RFX3: variants seen among roughly 807,000 people sequenced by gnomAD.
RFX3 encodes the protein transcription factor RFX3.
Under a neutral mutation model 98.6 loss-of-function variants are expected in RFX3, and 14 were observed. That is an observed-to-expected ratio of 0.14 (90% CI 0.09 to 0.22). The LOEUF (loss-of-function observed/expected upper bound fraction) is 0.22. Among genes scored for constraint, RFX3 ranks in the 10% least tolerant of loss-of-function variants. RFX3 has a pLI of 1.00. For missense variants in RFX3, 639 were observed against 926.9 expected (o/e 0.69, Z 4.03); for synonymous variants, 383 against 328.4 (o/e 1.17, Z -1.80).
intron 4 of RFX3, among the ~76,000 whole-genome samples, chr9:3,305,565 G>A (rs1037376326): frequency 1.3e-5 from 2 of 151,830 alleles, no homozygotes; most frequent in African/African-American, 4.8e-5. Context: ...GCAGAAATGG[G>A]GAAGAAGAGT....
chr9:3,235,814 C>G (rs1322198317), intron 15 of RFX3, among the ~76,000 whole-genome samples: 1 of 152,088 alleles, frequency 6.6e-6, no homozygotes, highest in Non-Finnish European at 1.5e-5. Context: ...CTACATTGGG[C>G]ACACCTGGAT....
chr9:3,466,712 T>C (rs1443613487), intron 1 of RFX3, among the ~76,000 whole-genome samples: 1 of 152,078 alleles, frequency 6.6e-6, no homozygotes. Context: ...GTAGAGCCAC[T>C]GATAAAATGT....
chr9:3,289,827 T>C (rs1827108578), intron 6 of RFX3, among the ~76,000 whole-genome samples: 1 of 152,240 alleles, frequency 6.6e-6, no homozygotes, highest in East Asian at 1.9e-4. Flanking sequence ...TGATTTACTT[T>C]TTGTTTACTT....
intron 5 of RFX3, among the ~76,000 whole-genome samples, chr9:3,297,845 C>G (rs1188531241): frequency 2.0e-5 from 3 of 151,770 alleles, no homozygotes; most frequent in African/African-American, 7.3e-5. Context: ...AATGTACAAC[C>G]TTAAATTTCA....
chr9:3,517,959 G>A (rs1355753531), intron 1 of RFX3, among the ~76,000 whole-genome samples: 1 of 152,138 alleles, frequency 6.6e-6, no homozygotes, highest in Non-Finnish European at 1.5e-5. Context: ...ATAGCCCAGT[G>A]ACATCATAAC....
chr9:3,443,673 C>A (rs115252769), intron 1 of RFX3, among the ~76,000 whole-genome samples: 3 of 152,008 alleles, frequency 2.0e-5, no homozygotes, highest in African/African-American at 4.8e-5. Context: ...TATACACATG[C>A]GTGTATCTTT....
At chr9:3,295,266 T>G (rs189924140) in intron 5 of RFX3, among the ~76,000 whole-genome samples, 75 of 152,168 alleles carry the variant, frequency 4.9e-4, no homozygotes, top group African/African-American at 1.7e-3. Context: ...AGACTACACA[T>G]AAAATGCAGC....
chr9:3,360,602 T>G (rs1836308781), intron 2 of RFX3, among the ~76,000 whole-genome samples: 1 of 152,150 alleles, frequency 6.6e-6, no homozygotes, highest in Non-Finnish European at 1.5e-5. Flanking sequence ...CTTAACACTC[T>G]CTTACTGATG....
chr9:3,264,800 G>T (rs1823398741), intron 12 of RFX3, among the ~76,000 whole-genome samples: 1 of 152,262 alleles, frequency 6.6e-6, no homozygotes, highest in East Asian at 1.9e-4. Context: ...AGTGAAACCA[G>T]AAGAACAGAC....
At chr9:3,373,667 G>A (rs1838103162) in intron 2 of RFX3, among the ~76,000 whole-genome samples, 3 of 152,142 alleles carry the variant, frequency 2.0e-5, no homozygotes, top group African/African-American at 7.2e-5. Context: ...GTGAAGTTCT[G>A]GGAAGATCAA....
chr9:3,522,581 G>A, intron 1 of RFX3, among the ~76,000 whole-genome samples: 1 of 151,598 alleles, frequency 6.6e-6, no homozygotes, highest in Non-Finnish European at 1.5e-5. Flanking sequence ...GTGTGTGTGT[G>A]TGTGTGTAAC....
At chr9:3,515,666 A>C (rs75493027) in intron 1 of RFX3, among the ~76,000 whole-genome samples, 2,107 of 152,296 alleles carry the variant, frequency 0.014, 58 homozygotes, top group African/African-American at 0.049. Flanking sequence ...AGGAAACTTA[A>C]CTGACAAGCA....
At chr9:3,230,841 G>A (rs2130690850) in intron 15 of RFX3, among the ~76,000 whole-genome samples, 1 of 152,278 alleles carries the variant, frequency 6.6e-6, no homozygotes, top group Admixed American at 6.5e-5. Context: ...TATTGCTATT[G>A]CTGATCAATA....
chr9:3,454,071 AAT>A (rs1846928593), intron 1 of RFX3, among the ~76,000 whole-genome samples: 1 of 152,202 alleles, frequency 6.6e-6, no homozygotes, highest in South Asian at 2.1e-4. Flanking sequence ...TGTGTGCACA[AAT>A]ATGTGAATAA....
chr9:3,422,219 C>T (rs1044349477), intron 1 of RFX3, among the ~76,000 whole-genome samples: 3 of 152,168 alleles, frequency 2.0e-5, no homozygotes, highest in Admixed American at 2.0e-4. Context: ...CCCACTCACC[C>T]AAAATGAAAA....
chr9:3,235,189 G>T (rs550904888), intron 15 of RFX3, among the ~76,000 whole-genome samples: 1 of 152,312 alleles, frequency 6.6e-6, no homozygotes, highest in Non-Finnish European at 1.5e-5. Context: ...CTTCCCTAAC[G>T]GGACATTTGC....
At chr9:3,322,053 G>A (rs1831383697) in intron 4 of RFX3, among the ~76,000 whole-genome samples, 1 of 151,872 alleles carries the variant, frequency 6.6e-6, no homozygotes, top group Non-Finnish European at 1.5e-5. Context: ...TATCTGATAG[G>A]TTGTTTCCCT....
intron 4 of RFX3, among the ~76,000 whole-genome samples, chr9:3,306,985 C>A (rs530680807): frequency 6.6e-6 from 1 of 151,840 alleles, no homozygotes; most frequent in African/African-American, 2.4e-5. Context: ...ATAATGGGGG[C>A]GGGTCTTTCC....
intron 15 of RFX3, among the ~76,000 whole-genome samples, chr9:3,242,071 A>G (rs894408979): frequency 3.3e-5 from 5 of 152,190 alleles, no homozygotes; most frequent in Non-Finnish European, 7.3e-5. Flanking sequence ...TGAAAAACTG[A>G]AAGATAGATT....
Sources: gnomAD v4.1 joint callset for allele counts (sites outside exome capture counted in the v4.1 genomes callset) on GRCh38, gnomAD v4.1.1 for gene constraint, MANE v1.5 for transcripts, NCBI Gene and HGNC (gene_info 2026-07-23, HGNC 2026-07-21) for gene names.